The following TPO variants were observed in gnomAD, a reference collection of about 807,000 sequenced individuals.
TPO encodes thyroid peroxidase.
Under a neutral mutation model 96.9 loss-of-function variants are expected in TPO, and 78 were observed. The ratio of observed to expected loss-of-function variants is 0.81; its 90% CI spans 0.67 to 0.97. TPO has a LOEUF of 0.97. Among genes scored for constraint, TPO ranks in the 50% least tolerant of loss-of-function variants. The pLI, the probability that TPO is intolerant of heterozygous loss-of-function variation, is 0.00. For synonymous variants in TPO, 547 were observed against 538.0 expected (o/e 1.02, Z -0.23); for missense variants, 1,252 against 1,274.8 (o/e 0.98, Z 0.27).
intron 1 of TPO, among the ~76,000 whole-genome samples, chr2:1,392,465 CT>C (rs1037060197): frequency 3.9e-5 from 6 of 152,082 alleles, no homozygotes; most frequent in African/African-American, 1.4e-4. Flanking sequence ...CTAAAATTCA[CT>C]TTTTTTGTTG....
upstream of TPO, among the ~76,000 whole-genome samples, chr2:1,411,648 T>C (rs932827234): frequency 1.3e-5 from 2 of 152,168 alleles, no homozygotes; most frequent in Non-Finnish European, 2.9e-5. Flanking sequence ...AATGAGACTT[T>C]TGGCAGCAAG....
chr2:1,403,782 C>T (rs368121174), intron 1 of TPO, among the ~76,000 whole-genome samples: 9 of 152,300 alleles, frequency 5.9e-5, no homozygotes, highest in South Asian at 2.1e-4. Context: ...GTGGTGTGAC[C>T]ACCTGGCATG....
At chr2:1,527,750 GGCAACCTCCCCAAATCCCCCCCACTCTGT>G (rs1676924713) in intron 15 of TPO, among the ~76,000 whole-genome samples, 1 of 106,074 alleles carries the variant, frequency 9.4e-6, no homozygotes, top group South Asian at 3.2e-4. Flanking sequence ...TCCCACTCTG[GGCAACCTCCCCAAATCCCCCCCACTCTGT>G]GCAACCTCCC....
upstream of TPO, among the ~76,000 whole-genome samples, chr2:1,409,350 T>A (rs1233405886): frequency 1.3e-5 from 2 of 152,244 alleles, no homozygotes; most frequent in African/African-American, 2.4e-5. Context: ...ATCTGACTCA[T>A]ATAAACTGGG....
chr2:1,412,474 A>G (rs1243450815), upstream of TPO, among the ~76,000 whole-genome samples: 3 of 152,010 alleles, frequency 2.0e-5, no homozygotes, highest in African/African-American at 7.2e-5. Context: ...AGCTTGTCTA[A>G]CTCATTTGTT....
chr2:1,514,203 T>G (rs1674449779), intron 14 of TPO, among the ~76,000 whole-genome samples: 1 of 152,098 alleles, frequency 6.6e-6, no homozygotes, highest in South Asian at 2.1e-4. Flanking sequence ...AGTGAAGCCC[T>G]TTTTCCTCCA....
Position 1,503,968 on chromosome 2 carries a change from G to A in TPO, c.2407G>A (p.Gly803Ser), listed in dbSNP as rs775784144. 30 of 1,613,986 alleles carry A rather than the reference G, an allele frequency of 1.9e-5. 1 individual carries two copies. The highest frequency in any genetic ancestry group is 3.3e-5 in the South Asian group (3 of 91,090). The change falls in exon 14 of 17, where the codon GGT becomes AGT. Residue 803 changes from glycine (G) to serine (S), a missense_variant. By Grantham distance (56) the Gly-to-Ser change is moderately conservative (BLOSUM62 0). Transcript: ENST00000329066. The part of the protein sequence containing the change: ...LCKDVNECAD[G>S]AHPPCHASAR... ...GGCAGATGTGAACGAGTGTGCAGAC[G>A]GTGCCCACCCCCCCTGCCACGCCTC...
chr2:1,540,860 C>T lies in TPO; in HGVS notation c.2748+137C>T, dbSNP rs182733153. On this transcript the variant is annotated intron_variant, in intron 16 of 16. Transcript: ENST00000329066. ...TTCCTAGTCCGTTCTGCACCTTCCT[C>T]CGGGAGGTTTTATTTACAAGCTAAT... 17 of 1,557,594 alleles carry T rather than the reference C, an allele frequency of 1.1e-5. No individual in the cohort carries two copies. The Admixed American group carries it at 3.3e-4, about 30-fold the overall frequency.
intron 15 of TPO, among the ~76,000 whole-genome samples, chr2:1,528,192 C>T (rs1298752336): frequency 7.4e-6 from 1 of 135,170 alleles, no homozygotes; most frequent in Non-Finnish European, 1.6e-5. Flanking sequence ...CCACATCCCC[C>T]CACTGTGTGC....
chr2:1,434,018 T>C (rs949275100), intron 4 of TPO, among the ~76,000 whole-genome samples: 3 of 152,134 alleles, frequency 2.0e-5, no homozygotes, highest in Non-Finnish European at 1.5e-5. Flanking sequence ...TCCCACTGAG[T>C]TGCTGGTGCC....
At chr2:1,472,202 C>T (rs561879712) in intron 7 of TPO, among the ~76,000 whole-genome samples, 58 of 151,886 alleles carry the variant, frequency 3.8e-4, no homozygotes, top group Non-Finnish European at 7.8e-4. Flanking sequence ...ATGCTCATGG[C>T]GTGCCCCTCC....
intron 7 of TPO, among the ~76,000 whole-genome samples, chr2:1,468,927 G>A (rs1669138053): frequency 6.6e-6 from 1 of 152,108 alleles, no homozygotes; most frequent in Non-Finnish European, 1.5e-5. Flanking sequence ...CTTTGTCTTT[G>A]TTGGATTGGG....
intron 7 of TPO, among the ~76,000 whole-genome samples, chr2:1,460,526 A>G (rs1435829207): frequency 1.3e-5 from 2 of 152,224 alleles, no homozygotes; most frequent in East Asian, 1.9e-4. Flanking sequence ...TAAAAAGAGT[A>G]TATTTCCCAG....
At chr2:1,482,132 A>G (rs1670706048) in intron 8 of TPO, among the ~76,000 whole-genome samples, 1 of 152,212 alleles carries the variant, frequency 6.6e-6, no homozygotes, top group Non-Finnish European at 1.5e-5. Flanking sequence ...AAAGCAGTCG[A>G]GAGTCAGAAA....
chr2:1,540,867 G>A, intron 16 of TPO, 144 bp downstream of exon 16: 5 of 1,553,288 alleles, frequency 3.2e-6, no homozygotes, highest in Middle Eastern at 1.7e-4. Flanking sequence ...CCTCCGGGAG[G>A]TTTTATTTAC....
intron 1 of TPO, among the ~76,000 whole-genome samples, chr2:1,396,526 C>T (rs946474025): frequency 2.0e-5 from 3 of 152,204 alleles, no homozygotes; most frequent in African/African-American, 7.2e-5. Flanking sequence ...ACTTTACATT[C>T]TAAGGGAGCC....
At chr2:1,432,147 C>T (rs922489229) in intron 3 of TPO, among the ~76,000 whole-genome samples, 6 of 152,372 alleles carry the variant, frequency 3.9e-5, no homozygotes, top group African/African-American at 1.2e-4. Context: ...CACTCTGCTT[C>T]TTCTTTGAGG....
intron 4 of TPO, 74 bp downstream of exon 4, chr2:1,433,681 G>C: frequency 6.5e-7 from 1 of 1,545,416 alleles, no homozygotes; most frequent in African/African-American, 1.4e-5. Flanking sequence ...TGCAGGGGCT[G>C]CTTGCTCAGG....
chr2:1,395,018 A>G (rs1423977161), intron 1 of TPO, among the ~76,000 whole-genome samples: 1 of 128,916 alleles, frequency 7.8e-6, no homozygotes. Context: ...GTTGAACAAG[A>G]GTTTTCTAGG....
Sources: allele counts gnomAD v4.1 joint callset (sites outside exome capture counted in the v4.1 genomes callset), GRCh38; gene constraint gnomAD v4.1.1; transcripts MANE v1.5; gene names NCBI Gene and HGNC (gene_info 2026-07-23, HGNC 2026-07-21).